WWOX: variants seen among roughly 807,000 people sequenced by gnomAD.
WWOX encodes WW domain containing oxidoreductase.
WWOX carries 69 observed loss-of-function variants against 46.2 expected under a neutral mutation model. The ratio of observed to expected loss-of-function variants is 1.49; its 90% CI spans 1.23 to 1.82. The LOEUF is 1.82. Among genes scored for constraint, WWOX ranks in the 40% most tolerant of loss-of-function variants. The probability of loss-of-function intolerance (pLI) is 0.00; values close to 1 mark genes in which losing one functional copy is unlikely to be tolerated. For synonymous variants in WWOX, 359 were observed against 202.6 expected (o/e 1.77, Z -6.56); for missense variants, 919 against 542.6 (o/e 1.69, Z -6.89).
chr16:79,212,356 C>G lies in WWOX; in HGVS notation c.*560C>G, dbSNP rs1332445888. The stretch of plus-strand genomic sequence containing the variant: ...AGCCAGTGAGGATGACAGTGACACC[C>G]AGAGGGAGTAGAATACGCAGAACTA... On this transcript the variant is annotated 3_prime_UTR_variant, in exon 9 of 9. Transcript: ENST00000566780. 1 of 592,716 alleles carries G rather than the reference C, an allele frequency of 1.7e-6. No homozygotes were observed. Among genetic ancestry groups the G allele is most frequent in the South Asian group, 2.7e-5 (1 of 36,802 alleles). The allele number at this position is 592,716 out of a possible 1,614,324, so 36.7% of individuals were successfully genotyped here. A position where few individuals can be genotyped will look rare whatever the true frequency, so the allele number is the denominator to read the frequency against.
At chr16:78,181,040 CTTCCTTTTTGT>C (rs1217565407) in intron 5 of WWOX, among the ~76,000 whole-genome samples, 1 of 152,146 alleles carries the variant, frequency 6.6e-6, no homozygotes, top group Non-Finnish European at 1.5e-5. Context: ...TAATATCCTT[CTTCCTTTTTGT>C]TTCATAAGTA....
chr16:78,159,527 G>A (rs956172233), intron 4 of WWOX, among the ~76,000 whole-genome samples: 1 of 152,060 alleles, frequency 6.6e-6, no homozygotes, highest in Non-Finnish European at 1.5e-5. Flanking sequence ...ACCTTAAGAG[G>A]TGTGAGGTGA....
intron 8 of WWOX, among the ~76,000 whole-genome samples, chr16:78,682,552 C>T (rs1032370385): frequency 3.9e-5 from 6 of 152,064 alleles, no homozygotes; most frequent in African/African-American, 1.4e-4. Context: ...CATGGCACTC[C>T]AGCCTGGGTG....
intron 5 of WWOX, among the ~76,000 whole-genome samples, chr16:78,307,066 C>G (rs988824362): frequency 1.3e-5 from 2 of 152,170 alleles, no homozygotes; most frequent in Admixed American, 6.5e-5. Context: ...TAACTTCCAA[C>G]TTTTTGAGCC....
intron 8 of WWOX, among the ~76,000 whole-genome samples, chr16:78,625,693 A>C (rs2548862): frequency 6.6e-6 from 1 of 150,514 alleles, no homozygotes; most frequent in East Asian, 2.0e-4. Context: ...GTTGGTGCAA[A>C]AGTAAATGTG....
chr16:78,122,246 G>T (rs1425707412), intron 4 of WWOX, among the ~76,000 whole-genome samples: 1 of 152,118 alleles, frequency 6.6e-6, no homozygotes, highest in African/African-American at 2.4e-5. Flanking sequence ...CCGAGGATAA[G>T]GGGGGGCTAC....
At chr16:78,106,024 T>C (rs995114345) in intron 1 of WWOX, among the ~76,000 whole-genome samples, 7 of 152,052 alleles carry the variant, frequency 4.6e-5, no homozygotes, top group African/African-American at 1.7e-4. Flanking sequence ...CTGGTCTCGA[T>C]CTCCTGGGCT....
At chr16:78,102,863 G>T (rs1212553145) in intron 1 of WWOX, among the ~76,000 whole-genome samples, 1 of 152,140 alleles carries the variant, frequency 6.6e-6, no homozygotes, top group African/African-American at 2.4e-5. Context: ...CCTTGGGAGG[G>T]TCAGCCGCAG....
intron 5 of WWOX, among the ~76,000 whole-genome samples, chr16:78,367,561 C>A (rs78075386): frequency 0.053 from 8,027 of 152,142 alleles, 283 homozygotes; most frequent in East Asian, 0.12. Flanking sequence ...TAAAAGGCTT[C>A]GAGTTCATGG....
chr16:78,171,562 G>A (rs931553426), intron 5 of WWOX, among the ~76,000 whole-genome samples: 3 of 152,014 alleles, frequency 2.0e-5, no homozygotes, highest in South Asian at 2.1e-4. Flanking sequence ...ATGATCATTC[G>A]TCAACGCATC....
chr16:78,716,688 T>C (rs2048569593), intron 8 of WWOX, among the ~76,000 whole-genome samples: 1 of 151,916 alleles, frequency 6.6e-6, no homozygotes, highest in South Asian at 2.1e-4. Context: ...CCAAGGAGAA[T>C]CATGGGACCA....
At chr16:78,543,331 C>G (rs758243891) in intron 8 of WWOX, among the ~76,000 whole-genome samples, 4 of 152,278 alleles carry the variant, frequency 2.6e-5, no homozygotes, top group Non-Finnish European at 5.9e-5. Flanking sequence ...AATGTCTCAT[C>G]CCCCTGTGGG....
chr16:79,211,552 C>CATCTCATCACT, intron 8 of WWOX, 56 bp from the exon 9 acceptor site: 1 of 1,610,764 alleles, frequency 6.2e-7, no homozygotes, highest in Non-Finnish European at 8.5e-7. Context: ...GAAATGACGC[C>CATCTCATCACT]ATCTCATCAC....
At chr16:79,036,386 T>A (rs1046743259) in intron 8 of WWOX, among the ~76,000 whole-genome samples, 2 of 152,206 alleles carry the variant, frequency 1.3e-5, no homozygotes, top group Admixed American at 6.5e-5. Context: ...GTAATTTAAG[T>A]CCCATTCTTG....
intron 8 of WWOX, among the ~76,000 whole-genome samples, chr16:78,922,369 A>G (rs181568234): frequency 1.1e-3 from 154 of 143,322 alleles, no homozygotes; most frequent in Non-Finnish European, 1.9e-3. Flanking sequence ...TATTCTGCAT[A>G]TATTTCAGTG....
At chr16:78,802,938 AAAAACAAC>A (rs1299420681) in intron 8 of WWOX, among the ~76,000 whole-genome samples, 1,184 of 97,626 alleles carry the variant, frequency 0.012, 248 homozygotes, top group Non-Finnish European at 0.017. Context: ...AAAAAAAAAA[AAAAACAAC>A]AAACAGAAAA....
At chr16:78,134,501 T>G (rs564062605) in intron 4 of WWOX, among the ~76,000 whole-genome samples, 1 of 152,218 alleles carries the variant, frequency 6.6e-6, no homozygotes, top group African/African-American at 2.4e-5. Context: ...TTTCATTACT[T>G]CTTTTATTCA....
At position 78,557,689 on chromosome 16, in the gene WWOX, ATTTTTTTTTT is replaced by A. The variant is rs34068363; in HGVS notation, c.1056+124951_1056+124960del. On this transcript the variant is annotated intron_variant, in intron 8 of 8. Transcript: ENST00000566780. ...CATAAGTGCATTCCTCTAGGGAAGGATTTTTTTTTTTTTTTTTTTTTTTGAGACAGGAGTC... is the reference window on the plus strand; with the variant it reads ...CATAAGTGCATTCCTCTAGGGAAGGATTTTTTTTTTTTTGAGACAGGAGTC... Among the ~76,000 whole-genome samples, 6 of 96,648 alleles carry A rather than the reference ATTTTTTTTTT, an allele frequency of 6.2e-5. No individual in the cohort carries two copies. In the East Asian group the frequency reaches 8.4e-4, roughly 14 times the overall value. 63.4% of individuals were successfully genotyped at this position (96,648 alleles called of 152,430 possible).
chr16:78,613,906 T>A (rs1002681370), intron 8 of WWOX, among the ~76,000 whole-genome samples: 2 of 152,220 alleles, frequency 1.3e-5, no homozygotes, highest in African/African-American at 4.8e-5. Flanking sequence ...CTGGCCTGTT[T>A]TTGTAAATAA....
Sources: allele counts gnomAD v4.1 joint callset (sites outside exome capture counted in the v4.1 genomes callset), GRCh38; gene constraint gnomAD v4.1.1; transcripts MANE v1.5; gene names NCBI Gene and HGNC (gene_info 2026-07-23, HGNC 2026-07-21).